Variants in DOCK9 observed in about 807,000 individuals in gnomAD.
The protein encoded by DOCK9 is dedicator of cytokinesis 9.
A neutral mutation model predicts 263.3 loss-of-function variants in DOCK9; 89 were observed. That is an observed-to-expected ratio of 0.34 (90% CI 0.28 to 0.40). The LOEUF is 0.40. DOCK9 is among the 10% of genes least tolerant of loss of function. The probability of loss-of-function intolerance (pLI) is 1.00; values close to 1 mark genes in which losing one functional copy is unlikely to be tolerated. For missense variants in DOCK9, 2,140 were observed against 2,603.4 expected (o/e 0.82, Z 3.87); for synonymous variants, 976 against 973.1 (o/e 1.00, Z -0.06).
chr13:98,853,482 C>G lies in DOCK9; in HGVS notation c.3872G>C (p.Cys1291Ser). 6.2e-7 allele frequency: 1 copy of G among 1,613,754 alleles called. No individual in the cohort carries two copies. Among genetic ancestry groups the G allele is most frequent in the Non-Finnish European group, 8.5e-7 (1 of 1,179,768 alleles). ...SSTLGNSVVR[C>S]DKLDQSEIKS... is the part of the protein sequence containing the mutation. ...AATCTCAGACTGGTCAAGTTTATCACAGCGAACCACGGAATTTCCCAATGT... is the reference window on the plus strand; with the variant it reads ...AATCTCAGACTGGTCAAGTTTATCAGAGCGAACCACGGAATTTCCCAATGT... The change falls in exon 35 of 53, where the codon TGT (cysteine) becomes TCT (serine). Residue 1291 changes from cysteine (C) to serine (S), a missense_variant. By Grantham distance (112) the Cys-to-Ser change is moderately radical. Around this residue, in one of 2 missense-constraint regions of DOCK9, gnomAD observed 1,521 missense variants for 1,741.7 expected, o/e 0.87. Coordinates refer to ENST00000682017, the MANE Select transcript of DOCK9 (RefSeq NM_001366683.2).
At chr13:98,991,775 G>T (rs1049649535) in intron 1 of DOCK9, among the ~76,000 whole-genome samples, 5 of 151,858 alleles carry the variant, frequency 3.3e-5, no homozygotes, top group Non-Finnish European at 7.4e-5. Flanking sequence ...CTAGGCAGTC[G>T]ACTTTCCAAT....
intron 44 of DOCK9, among the ~76,000 whole-genome samples, chr13:98,826,297 G>A (rs1003893648): frequency 1.3e-5 from 2 of 152,178 alleles, no homozygotes; most frequent in African/African-American, 4.8e-5. Context: ...TAACCAAAGG[G>A]AAACTGTGAA....
At chr13:98,851,832 T>C (rs1185087794) in intron 35 of DOCK9, among the ~76,000 whole-genome samples, 1 of 152,018 alleles carries the variant, frequency 6.6e-6, no homozygotes, top group Non-Finnish European at 1.5e-5. Flanking sequence ...TCAAAGAAAA[T>C]ATGAGAATAT....
intron 1 of DOCK9, among the ~76,000 whole-genome samples, chr13:98,975,717 C>T (rs145797239): frequency 0.015 from 2,343 of 152,260 alleles, 63 homozygotes; most frequent in South Asian, 0.11. Context: ...AGGACTGTTT[C>T]TGTACATAAC....
intron 20 of DOCK9, 133 bp from the exon 21 acceptor site, chr13:98,885,225 C>T: frequency 2.4e-6 from 3 of 1,245,760 alleles, no homozygotes; most frequent in Non-Finnish European, 3.3e-6. Flanking sequence ...TTTAAAATGC[C>T]CTAAATGTAA....
chr13:98,927,121 G>A (rs570829601), intron 3 of DOCK9, among the ~76,000 whole-genome samples: 2 of 152,252 alleles, frequency 1.3e-5, no homozygotes, highest in Non-Finnish European at 2.9e-5. Context: ...TATTCTGAGA[G>A]GTGGAATAAA....
chr13:98,972,545 C>T lies in DOCK9; in HGVS notation c.126+5239G>A, dbSNP rs149426112. Among the ~76,000 whole-genome samples, 31 of 152,282 alleles carry T rather than the reference C, an allele frequency of 2.0e-4. 1 individual carries two copies. In the East Asian group the frequency reaches 4.6e-3, roughly 23 times the overall value. On this transcript the variant is annotated intron_variant, in intron 1 of 52. Transcript: ENST00000682017. ...GCCTGGCATGGTAATTAGATTCACT[C>T]GGACCCTATCTAAGCATGCACTCCC...
At chr13:98,947,595 C>T (rs867689662) in intron 2 of DOCK9, among the ~76,000 whole-genome samples, 3 of 150,168 alleles carry the variant, frequency 2.0e-5, no homozygotes, top group East Asian at 2.0e-4. Context: ...CTGTAACCTC[C>T]GCCTCCCGGG....
intron 3 of DOCK9, among the ~76,000 whole-genome samples, chr13:98,927,895 A>AG (rs1251836890): frequency 6.6e-6 from 1 of 152,130 alleles, no homozygotes; most frequent in African/African-American, 2.4e-5. Flanking sequence ...CTGGGATTAC[A>AG]GGCGTGAGCC....
intron 29 of DOCK9, 97 bp from the exon 30 acceptor site, chr13:98,867,633 A>G (rs1368153453): frequency 2.4e-6 from 2 of 832,198 alleles, no homozygotes; most frequent in Non-Finnish European, 3.9e-6. Flanking sequence ...AATAGTCATT[A>G]GCTTCTTGAC....
At chr13:98,957,997 T>TC (rs2058248130) in intron 1 of DOCK9, among the ~76,000 whole-genome samples, 1 of 152,168 alleles carries the variant, frequency 6.6e-6, no homozygotes, top group Non-Finnish European at 1.5e-5. Context: ...CCCCCTTGGC[T>TC]CCACTCTCCC....
intron 26 of DOCK9, 53 bp from the exon 27 acceptor site, chr13:98,880,022 G>T: frequency 7.4e-7 from 1 of 1,352,360 alleles, no homozygotes; most frequent in Non-Finnish European, 1.0e-6. Context: ...TGGTAGGTAA[G>T]ACATGAACTC....
chr13:99,021,540 G>A (rs893965945), intron 1 of DOCK9, among the ~76,000 whole-genome samples: 2 of 151,444 alleles, frequency 1.3e-5, no homozygotes, highest in African/African-American at 4.9e-5. Context: ...TCGGGAGGCT[G>A]AGACAGGAGA....
At chr13:98,952,397 G>A (rs1220320617) in intron 2 of DOCK9, among the ~76,000 whole-genome samples, 1 of 151,714 alleles carries the variant, frequency 6.6e-6, no homozygotes, top group African/African-American at 2.4e-5. Flanking sequence ...CACCATGCCT[G>A]GCTAATTTTT....
At chr13:98,949,903 A>C in intron 2 of DOCK9, 1 of 474,682 alleles carries the variant, frequency 2.1e-6, no homozygotes, top group South Asian at 1.6e-5. Flanking sequence ...TCTCCCAGGC[A>C]AATGACACCA....
intron 50 of DOCK9, among the ~76,000 whole-genome samples, chr13:98,798,838 G>C (rs1369893857): frequency 2.0e-5 from 3 of 152,184 alleles, no homozygotes; most frequent in African/African-American, 7.2e-5. Flanking sequence ...TGCTTTTTAA[G>C]ATGACTGGGA....
At chr13:99,063,787 G>A (rs1347022917) in intron 1 of DOCK9, among the ~76,000 whole-genome samples, 2 of 151,566 alleles carry the variant, frequency 1.3e-5, no homozygotes, top group African/African-American at 2.4e-5. Context: ...TTACCCTGTC[G>A]ATTTGTTAAA....
chr13:98,946,423 A>T (rs1392975675), intron 2 of DOCK9, among the ~76,000 whole-genome samples: 1 of 151,830 alleles, frequency 6.6e-6, no homozygotes, highest in African/African-American at 2.4e-5. Context: ...ACCCTTACTC[A>T]CCCAAGCTCC....
rs541630480 is a variant in DOCK9 at position 98,934,682 on chromosome 13, C to G, written c.244-4425G>C. 1.8e-4 allele frequency among the ~76,000 whole-genome samples: 27 copies of G among 152,264 alleles called. No homozygotes were observed. In the South Asian group the frequency reaches 5.6e-3, roughly 32 times the overall value. On this transcript the variant is annotated intron_variant, in intron 2 of 52. Coordinates refer to ENST00000682017, the MANE Select transcript of DOCK9 (RefSeq NM_001366683.2). ...GTTAAGACAGAAGTGAGGAGATACA[C>G]TATGCTGCAATCTCATTTCCACAGT...
Sources: gnomAD v4.1 joint callset for allele counts (sites outside exome capture counted in the v4.1 genomes callset) on GRCh38, gnomAD v4.1.1 for gene constraint, gnomAD v4.1.1 regional missense constraint, MANE v1.5 for transcripts, NCBI Gene and HGNC (gene_info 2026-07-23, HGNC 2026-07-21) for gene names.